The following DNAJC5B variants were observed in gnomAD, a reference collection of about 807,000 sequenced individuals.
DNAJC5B encodes the protein dnaJ homolog subfamily C member 5B.
In DNAJC5B, 23 loss-of-function variants were observed where a neutral mutation model predicts 24.7. The ratio of observed to expected loss-of-function variants is 0.93; its 90% CI spans 0.67 to 1.32. The LOEUF is 1.32. Among genes scored for constraint, DNAJC5B ranks in the 40% most tolerant of loss-of-function variants. The pLI is 0.00. For synonymous variants in DNAJC5B, 101 were observed against 90.1 expected, an observed-to-expected ratio of 1.12 and a Z score of -0.68; for missense variants, 238 against 240.8, an observed-to-expected ratio of 0.99 and a Z score of 0.08.
intron 3 of DNAJC5B, among the ~76,000 whole-genome samples, chr8:66,066,226 A>G (rs1388592012): frequency 6.6e-6 from 1 of 152,204 alleles, no homozygotes; most frequent in Non-Finnish European, 1.5e-5. Flanking sequence ...AAGTCAAAAA[A>G]CAATAGATGT....
chr8:66,096,687 G>C (rs1807960695), intron 5 of DNAJC5B, among the ~76,000 whole-genome samples: 1 of 151,982 alleles, frequency 6.6e-6, no homozygotes, highest in Non-Finnish European at 1.5e-5. Flanking sequence ...ACTTACATTA[G>C]CTTTCTTCCC....
chr8:66,099,769 G>T (rs1458455435), intron 5 of DNAJC5B, among the ~76,000 whole-genome samples, 168 bp from the exon 6 acceptor site: 1 of 152,178 alleles, frequency 6.6e-6, no homozygotes, highest in Non-Finnish European at 1.5e-5. Context: ...ATAGAGTAAA[G>T]ACAGTGCCTC....
chr8:66,073,617 T>A (rs1394449283), intron 3 of DNAJC5B, among the ~76,000 whole-genome samples: 1 of 152,184 alleles, frequency 6.6e-6, no homozygotes, highest in Non-Finnish European at 1.5e-5. Flanking sequence ...CAGAATTTGC[T>A]CTTTAAGATA....
At chr8:66,047,173 A>C (rs1170912278) in intron 2 of DNAJC5B, among the ~76,000 whole-genome samples, 1 of 152,224 alleles carries the variant, frequency 6.6e-6, no homozygotes, top group Admixed American at 6.5e-5. Flanking sequence ...AGATTAGTCG[A>C]ATTTTAACAA....
chr8:66,051,625 G>A lies in DNAJC5B; in HGVS notation c.78G>A (p.Leu26=), dbSNP rs1357095405. ...AAGCTCTATACGAAATTCTTGGTCT[G>A]CATAAGGGAGCATCAAATGAAGAAA... ...TGEALYEILG[L]HKGASNEEIK... is the part of the protein sequence containing the mutation. The change falls in exon 3 of 6, where the codon CTG becomes CTA. Residue 26 remains leucine, a synonymous_variant. Coordinates refer to ENST00000276570, the MANE Select transcript of DNAJC5B (RefSeq NM_033105.6). The A allele has an allele frequency of 6.2e-7, 1 of 1,613,312 alleles. No homozygotes were observed. The highest frequency in any genetic ancestry group is 8.5e-7 in the Non-Finnish European group (1 of 1,179,816).
At chr8:66,089,341 T>C (rs1251068057) in intron 5 of DNAJC5B, among the ~76,000 whole-genome samples, 7 of 152,224 alleles carry the variant, frequency 4.6e-5, no homozygotes, top group African/African-American at 1.7e-4. Flanking sequence ...AGATGAGATT[T>C]GTGTGGGAAC....
chr8:66,015,161 C>G, the DNAJC5B span, among the ~76,000 whole-genome samples: 1 of 152,160 alleles, frequency 6.6e-6, no homozygotes, highest in Admixed American at 6.5e-5. Flanking sequence ...CTGGCAATAG[C>G]ATTATAATGA....
At chr8:66,066,501 T>C (rs1309169717) in intron 3 of DNAJC5B, among the ~76,000 whole-genome samples, 1 of 152,048 alleles carries the variant, frequency 6.6e-6, no homozygotes, top group African/African-American at 2.4e-5. Flanking sequence ...GACCAATGAG[T>C]GGCTAAAGAA....
At chr8:66,053,936 C>CTTTTT (rs60244347) in intron 3 of DNAJC5B, among the ~76,000 whole-genome samples, 1 of 138,278 alleles carries the variant, frequency 7.2e-6, no homozygotes. Flanking sequence ...GCCTACTACC[C>CTTTTT]TTTTTTTTTT....
In DNAJC5B at chr8:66,100,760, T is replaced by C. The variant is rs1808057461; in HGVS notation, c.*729T>C. On this transcript the variant is annotated 3_prime_UTR_variant, in exon 6 of 6. Transcript: ENST00000276570. The stretch of plus-strand genomic sequence containing the variant: ...TGTTGATCATTTTCTAGTAAAATAA[T>C]TTTTGTATAACTGGCTCAGATTAGC... Among the ~76,000 whole-genome samples the C allele has an allele frequency of 6.6e-6, 1 of 152,150 alleles. No individual in the cohort carries two copies. Among genetic ancestry groups the C allele is most frequent in the Admixed American group, 6.6e-5 (1 of 15,266 alleles).
Position 66,028,179 on chromosome 8 carries a change from T to C in DNAJC5B, c.-142+6474T>C, listed in dbSNP as rs147970046. Among the ~76,000 whole-genome samples, 616 of 152,326 alleles carry C rather than the reference T, an allele frequency of 4.0e-3. 4 individuals are homozygous for C. The highest frequency in any genetic ancestry group is 0.014 in the African/African-American group (595 of 41,558). On this transcript the variant is annotated intron_variant, in intron 1 of 5. Coordinates refer to ENST00000276570, the MANE Select transcript of DNAJC5B (RefSeq NM_033105.6). Reference sequence around the variant, plus strand: ...TCTTGAAAGGAAGAGAAACAGACTATGACTGATTGACACAAACTTAGGGAG... The same window carrying C: ...TCTTGAAAGGAAGAGAAACAGACTACGACTGATTGACACAAACTTAGGGAG...
chr8:66,034,153 G>A (rs1806425623), intron 1 of DNAJC5B, among the ~76,000 whole-genome samples: 1 of 147,540 alleles, frequency 6.8e-6, no homozygotes, highest in Non-Finnish European at 1.5e-5. Flanking sequence ...TAACAAGGGA[G>A]TATTCTCTCT....
chr8:66,023,712 C>T (rs571908875), intron 1 of DNAJC5B, among the ~76,000 whole-genome samples: 10 of 151,380 alleles, frequency 6.6e-5, no homozygotes, highest in East Asian at 3.9e-4. Context: ...CCGTGGTATC[C>T]GACCTACACT....
rs756662132 is a variant in DNAJC5B at position 66,076,719 on chromosome 8, A to C, written c.179A>C (p.Lys60Thr). ...KNPDDPAATE[K>T]FKEINNAHAI... ...CCAGATGATCCAGCTGCTACTGAGA[A>C]GTTTAAAGAAATCAACAACGCCCAC... Residue 60 changes from lysine (K) to threonine (T), a missense_variant, in exon 4 of 6, where the codon AAG becomes ACG. Physicochemically the swap from Lys to Thr is moderately conservative, Grantham distance 78. Coordinates refer to ENST00000276570, the MANE Select transcript of DNAJC5B (RefSeq NM_033105.6). 1.9e-6 allele frequency: 3 copies of C among 1,614,068 alleles called. No individual in the cohort carries two copies. The highest frequency in any genetic ancestry group is 2.5e-6 in the Non-Finnish European group (3 of 1,180,028).
chr8:66,020,616 G>C (rs909997622), upstream of DNAJC5B, among the ~76,000 whole-genome samples: 28 of 88,644 alleles, frequency 3.2e-4, no homozygotes, highest in Middle Eastern at 5.7e-3. Flanking sequence ...GTGTGTGTGT[G>C]TGTGTGTGTG....
Position 66,076,795 on chromosome 8 carries a change from G to A in DNAJC5B, c.255G>A (p.Ser85=). 6.2e-7 allele frequency: 1 copy of A among 1,614,136 alleles called. No homozygotes were observed. Among genetic ancestry groups the A allele is most frequent in the Non-Finnish European group, 8.5e-7 (1 of 1,180,010 alleles). The change falls in exon 4 of 6, where the codon TCG becomes TCA. Residue 85 remains serine (S), a synonymous_variant. Coordinates refer to ENST00000276570, the MANE Select transcript of DNAJC5B (RefSeq NM_033105.6). ...GAAGCATATACGACAAGTACGGATC[G>A]CTGGGACTCTACGTGGCCGAGCAGT... is the stretch of plus-strand genomic sequence containing the variant. ...SKRSIYDKYG[S]LGLYVAEQFG... is the part of the protein sequence containing the mutation.
chr8:66,020,638 G>A (rs1806091183), upstream of DNAJC5B, among the ~76,000 whole-genome samples: 1 of 109,402 alleles, frequency 9.1e-6, no homozygotes, highest in Non-Finnish European at 1.8e-5. Flanking sequence ...GTGTGTGTGT[G>A]TGTGTGTGTG....
intron 5 of DNAJC5B, among the ~76,000 whole-genome samples, chr8:66,083,426 T>C (rs771744905): frequency 2.6e-5 from 4 of 152,216 alleles, no homozygotes; most frequent in Non-Finnish European, 5.9e-5. Flanking sequence ...TTACAACTCA[T>C]TATTGATAAT....
At chr8:66,047,450 A>G (rs1221283765) in intron 2 of DNAJC5B, among the ~76,000 whole-genome samples, 1 of 152,164 alleles carries the variant, frequency 6.6e-6, no homozygotes, top group Non-Finnish European at 1.5e-5. Context: ...CTTTAAGATG[A>G]TTTTATAAGA....
Sources: gnomAD v4.1 joint callset for allele counts (sites outside exome capture counted in the v4.1 genomes callset) on GRCh38, gnomAD v4.1.1 for gene constraint, MANE v1.5 for transcripts, NCBI Gene and HGNC (gene_info 2026-07-23, HGNC 2026-07-21) for gene names.